Variants in EEPD1 observed in about 807,000 individuals in gnomAD.
EEPD1 encodes endonuclease/exonuclease/phosphatase family domain containing 1.
EEPD1 carries 17 observed loss-of-function variants against 46.3 expected under a neutral mutation model. That is an observed-to-expected ratio of 0.37 (90% confidence interval 0.25 to 0.55). The LOEUF (loss-of-function observed/expected upper bound fraction) is 0.55. Ranked by LOEUF, EEPD1 falls within the 20% of genes least tolerant of loss-of-function variation. The pLI is 0.83. For missense variants in EEPD1, 673 were observed against 745.6 expected (o/e 0.90, Z 1.13); for synonymous variants, 313 against 315.6 (o/e 0.99, Z 0.09).
intron 3 of EEPD1, among the ~76,000 whole-genome samples, chr7:36,279,792 T>G (rs778068359): frequency 2.0e-5 from 3 of 152,204 alleles, no homozygotes; most frequent in Non-Finnish European, 4.4e-5. Context: ...TCTAGCACGT[T>G]CTCAGGTGAT....
intron 3 of EEPD1, among the ~76,000 whole-genome samples, chr7:36,254,703 A>G (rs941793635): frequency 1.3e-5 from 2 of 152,200 alleles, no homozygotes; most frequent in Non-Finnish European, 2.9e-5. Flanking sequence ...GAATCACCAC[A>G]TAATGTCTTC....
intron 3 of EEPD1, among the ~76,000 whole-genome samples, chr7:36,245,378 G>T (rs1220805020): frequency 6.6e-6 from 1 of 152,188 alleles, no homozygotes; most frequent in East Asian, 1.9e-4. Context: ...TGTTTCACCT[G>T]CCCTACTTAC....
At chr7:36,199,663 G>A (rs1785679880) in intron 2 of EEPD1, among the ~76,000 whole-genome samples, 1 of 152,116 alleles carries the variant, frequency 6.6e-6, no homozygotes, top group Non-Finnish European at 1.5e-5. Flanking sequence ...CATCCTCTCT[G>A]AGTCTCAGCT....
intron 2 of EEPD1, among the ~76,000 whole-genome samples, chr7:36,190,835 C>A (rs1363405875): frequency 1.3e-5 from 2 of 152,166 alleles, no homozygotes; most frequent in Admixed American, 1.3e-4. Context: ...AGAAGCCCAC[C>A]CTGGGGTAAG....
At chr7:36,236,075 C>A (rs926686655) in intron 2 of EEPD1, among the ~76,000 whole-genome samples, 2 of 152,178 alleles carry the variant, frequency 1.3e-5, no homozygotes, top group African/African-American at 4.8e-5. Flanking sequence ...CAGGCATGCA[C>A]CACCACACCA....
intron 2 of EEPD1, among the ~76,000 whole-genome samples, chr7:36,220,021 A>G (rs1786116982): frequency 6.6e-6 from 1 of 152,128 alleles, no homozygotes; most frequent in Non-Finnish European, 1.5e-5. Flanking sequence ...AAATGGAAGT[A>G]CAGAAGGGAA....
chr7:36,158,428 G>A (rs977269326), intron 2 of EEPD1, among the ~76,000 whole-genome samples: 1 of 152,184 alleles, frequency 6.6e-6, no homozygotes, highest in Admixed American at 6.5e-5. Flanking sequence ...GGGAATAGCT[G>A]GCTGTGAATT....
In EEPD1 at chr7:36,257,273, A is replaced by G. The variant is rs373638428; in HGVS notation, c.930+18237A>G. Among the ~76,000 whole-genome samples, 5 of 150,850 alleles carry G rather than the reference A, an allele frequency of 3.3e-5. No homozygotes were observed. The South Asian group carries it at 8.4e-4, about 25-fold the overall frequency. ...TTAACATTTTTTCCTTCATTTCAGC[A>G]TTAGTGAATCTGATGATTATGTGTC... On this transcript the variant is annotated intron_variant, in intron 3 of 7. Coordinates refer to ENST00000242108, the MANE Select transcript of EEPD1 (RefSeq NM_030636.3).
At chr7:36,192,561 T>C (rs1054744951) in intron 2 of EEPD1, among the ~76,000 whole-genome samples, 10 of 152,070 alleles carry the variant, frequency 6.6e-5, no homozygotes, top group Non-Finnish European at 1.3e-4. Flanking sequence ...AGTACAGCAG[T>C]CAGAGAAGTG....
At chr7:36,155,838 C>T (rs925364566) in intron 2 of EEPD1, among the ~76,000 whole-genome samples, 7 of 152,044 alleles carry the variant, frequency 4.6e-5, no homozygotes, top group African/African-American at 9.7e-5. Flanking sequence ...GAAAATTGGC[C>T]GGATTTTCCC....
chr7:36,283,213 C>G (rs1787288234), intron 4 of EEPD1, among the ~76,000 whole-genome samples: 2 of 152,324 alleles, frequency 1.3e-5, no homozygotes, highest in East Asian at 3.9e-4. Flanking sequence ...GGCTGCTGTT[C>G]TGGAGGAGAG....
At chr7:36,272,961 C>T (rs968020965) in intron 3 of EEPD1, among the ~76,000 whole-genome samples, 1 of 152,212 alleles carries the variant, frequency 6.6e-6, no homozygotes, top group African/African-American at 2.4e-5. Flanking sequence ...GGCCCACCAG[C>T]CCCGGCCCCT....
chr7:36,192,455 T>C (rs990504592), intron 2 of EEPD1, among the ~76,000 whole-genome samples: 39 of 152,204 alleles, frequency 2.6e-4, no homozygotes, highest in African/African-American at 9.4e-4. Context: ...TTGTGTCCAA[T>C]TTCCAGGACA....
intron 3 of EEPD1, among the ~76,000 whole-genome samples, chr7:36,279,466 G>A (rs1787229519): frequency 6.6e-6 from 1 of 152,186 alleles, no homozygotes; most frequent in South Asian, 2.1e-4. Context: ...TGAAGTACTG[G>A]TGCTTCATCT....
At chr7:36,281,263 T>C in intron 4 of EEPD1, 38 bp downstream of exon 4, 1 of 1,562,256 alleles carries the variant, frequency 6.4e-7, no homozygotes, top group East Asian at 2.3e-5. Context: ...TCCCTTCATT[T>C]AATTTATACA....
At chr7:36,213,224 G>A (rs144617743) in intron 2 of EEPD1, among the ~76,000 whole-genome samples, 1,525 of 152,282 alleles carry the variant, frequency 0.01, 10 homozygotes, top group Middle Eastern at 0.034. Context: ...AATATATTAT[G>A]ACACATTCAG....
chr7:36,195,638 A>G (rs528897206), intron 2 of EEPD1, among the ~76,000 whole-genome samples: 38 of 152,294 alleles, frequency 2.5e-4, no homozygotes, highest in Admixed American at 4.6e-4. Flanking sequence ...CAAAGGATAC[A>G]AAATTTCAGT....
chr7:36,218,130 C>A (rs1024868211), intron 2 of EEPD1, among the ~76,000 whole-genome samples: 1 of 152,148 alleles, frequency 6.6e-6, no homozygotes, highest in East Asian at 1.9e-4. Context: ...AACTGCGTAA[C>A]GGTCCCTAGG....
intron 2 of EEPD1, among the ~76,000 whole-genome samples, chr7:36,196,968 A>C (rs1030287716): frequency 5.3e-5 from 8 of 149,638 alleles, no homozygotes; most frequent in African/African-American, 7.5e-5. Flanking sequence ...GGAAGTGAGG[A>C]GCGTCTCTGC....
Sources: gnomAD v4.1 joint callset for allele counts (sites outside exome capture counted in the v4.1 genomes callset) on GRCh38, gnomAD v4.1.1 for gene constraint, MANE v1.5 for transcripts, NCBI Gene and HGNC (gene_info 2026-07-23, HGNC 2026-07-21) for gene names.